The following DRC9 variants were observed in gnomAD, a reference collection of about 807,000 sequenced individuals.
DRC9 encodes dynein regulatory complex subunit 9.
chr3:197,926,508 A>G, the DRC9 span, among the ~76,000 whole-genome samples: 2 of 152,332 alleles, frequency 1.3e-5, no homozygotes, highest in Non-Finnish European at 2.9e-5. Flanking sequence ...TTTCTATTTT[A>G]CCGATGAGAA....
At chr3:197,946,545 G>A in the DRC9 span, among the ~76,000 whole-genome samples, 1 of 151,224 alleles carries the variant, frequency 6.6e-6, no homozygotes, top group Non-Finnish European at 1.5e-5. Flanking sequence ...CTGCTTAAAT[G>A]AGCTTTACAG....
chr3:197,918,258 C>CTTTTTTTTTTTTT, the DRC9 span, among the ~76,000 whole-genome samples: 1 of 60,310 alleles, frequency 1.7e-5, no homozygotes, highest in African/African-American at 6.4e-5. Flanking sequence ...TAATTTTTTG[C>CTTTTTTTTTTTTT]TTTTTTTTTT....
At chr3:197,928,286 G>A in the DRC9 span, among the ~76,000 whole-genome samples, 1 of 149,642 alleles carries the variant, frequency 6.7e-6, no homozygotes, top group Non-Finnish European at 1.5e-5. Flanking sequence ...ACATAACCAT[G>A]TGCTCTTTCT....
the DRC9 span, among the ~76,000 whole-genome samples, chr3:197,914,354 G>A: frequency 6.6e-6 from 1 of 152,176 alleles, no homozygotes; most frequent in African/African-American, 2.4e-5. Flanking sequence ...ATGATCAAAA[G>A]AACTGACTTC....
the DRC9 span, among the ~76,000 whole-genome samples, chr3:197,928,909 C>T: frequency 6.6e-6 from 1 of 152,370 alleles, no homozygotes; most frequent in East Asian, 1.9e-4. Flanking sequence ...TTCGAAGGCA[C>T]AACTGTGCCA....
At chr3:197,957,958 C>G in the DRC9 span, 1 of 152,146 alleles carries the variant, frequency 6.6e-6, no homozygotes, top group African/African-American at 2.4e-5. Flanking sequence ...ACTGGAAAGT[C>G]CAGAAAACTA....
chr3:197,953,539 C>G, the DRC9 span: 1 of 457,172 alleles, frequency 2.2e-6, no homozygotes, highest in Non-Finnish European at 4.4e-6. Context: ...AGGACACACA[C>G]TCCTTGGCCC....
At chr3:197,952,348 T>G in the DRC9 span, among the ~76,000 whole-genome samples, 1 of 151,774 alleles carries the variant, frequency 6.6e-6, no homozygotes, top group Non-Finnish European at 1.5e-5. Context: ...TTTTGTATAT[T>G]TAGTAGAGAT....
chr3:197,931,079 A>T, the DRC9 span, among the ~76,000 whole-genome samples: 1 of 152,096 alleles, frequency 6.6e-6, no homozygotes, highest in African/African-American at 2.4e-5. Context: ...GAGTTGGAAG[A>T]CAAAGTTAAG....
At chr3:197,912,969 G>C in the DRC9 span, 5 of 534,140 alleles carry the variant, frequency 9.4e-6, no homozygotes, top group Non-Finnish European at 1.7e-5. Flanking sequence ...GCACAATCCC[G>C]TGAGCTGAAC....
At chr3:197,932,057 T>C in the DRC9 span, 1 of 1,113,130 alleles carries the variant, frequency 9.0e-7, no homozygotes, top group Non-Finnish European at 1.3e-6. Context: ...TTCTGACTTC[T>C]AGTTATCTTC....
chr3:197,915,306 G>A, the DRC9 span, among the ~76,000 whole-genome samples: 1 of 150,454 alleles, frequency 6.6e-6, no homozygotes. Context: ...ATACATTCCA[G>A]GAACTGAAAG....
chr3:197,918,996 C>T, the DRC9 span, among the ~76,000 whole-genome samples: 2 of 151,886 alleles, frequency 1.3e-5, no homozygotes, highest in Admixed American at 6.6e-5. Flanking sequence ...TTAGTAGAGA[C>T]AGGGTTTCTC....
chr3:197,952,213 A>G, the DRC9 span, among the ~76,000 whole-genome samples: 2 of 115,286 alleles, frequency 1.7e-5, no homozygotes, highest in Admixed American at 1.3e-4. Flanking sequence ...ACTGTCACCT[A>G]GGCTGGAGTG....
chr3:197,953,516 C>CT, the DRC9 span: 22 of 456,476 alleles, frequency 4.8e-5, no homozygotes, highest in South Asian at 3.4e-4. Flanking sequence ...TGTCTTCAGT[C>CT]TTTCTTCCGG....
the DRC9 span, among the ~76,000 whole-genome samples, chr3:197,903,425 T>A: frequency 6.6e-6 from 1 of 151,428 alleles, no homozygotes; most frequent in South Asian, 2.1e-4. Context: ...GGCAGGTGGA[T>A]CACTTGAGGC....
At chr3:197,902,070 C>T in the DRC9 span, among the ~76,000 whole-genome samples, 257 of 152,296 alleles carry the variant, frequency 1.7e-3, 4 homozygotes, top group Non-Finnish European at 1.5e-3. Context: ...GAACAAGAGT[C>T]TCTCCCTGGC....
the DRC9 span, among the ~76,000 whole-genome samples, chr3:197,928,262 A>C: frequency 6.6e-6 from 1 of 152,026 alleles, no homozygotes; most frequent in African/African-American, 2.4e-5. Context: ...TTTTTATCCT[A>C]ACTTTTTCAC....
the DRC9 span, among the ~76,000 whole-genome samples, chr3:197,936,654 C>G: frequency 3.3e-5 from 5 of 152,228 alleles, no homozygotes; most frequent in Non-Finnish European, 7.3e-5. Context: ...TGAGCTGCCA[C>G]GCCTGGCCTG....
Sources: allele counts gnomAD v4.1 joint callset (sites outside exome capture counted in the v4.1 genomes callset), GRCh38; gene constraint gnomAD v4.1.1; transcripts MANE v1.5; gene names NCBI Gene and HGNC (gene_info 2026-07-23, HGNC 2026-07-21).